The following CALN1 variants were observed in gnomAD, a reference collection of about 807,000 sequenced individuals.
The protein encoded by CALN1 is calneuron 1, also known as calcium-binding protein 8.
Under a neutral mutation model 30.6 loss-of-function variants are expected in CALN1, and 17 were observed. The ratio of observed to expected loss-of-function variants is 0.56; its 90% CI spans 0.38 to 0.83. The LOEUF is 0.83. Ranked by LOEUF, CALN1 falls within the 40% of genes least tolerant of loss-of-function variation. The probability of loss-of-function intolerance (pLI) is 0.00; values close to 1 mark genes in which losing one functional copy is unlikely to be tolerated. For synonymous variants in CALN1, 156 were observed against 131.4 expected (o/e 1.19, Z -1.28); for missense variants, 291 against 354.9 (o/e 0.82, Z 1.45).
rs576485295 is a variant in CALN1, at chr7:72,155,418, G to C, written c.245-49124C>G. Among the ~76,000 whole-genome samples, 324 of 151,836 alleles carry C rather than the reference G, an allele frequency of 2.1e-3. 1 individual carries two copies. Among genetic ancestry groups the C allele is most frequent in the African/African-American group, 7.7e-3 (318 of 41,408 alleles). On this transcript the variant is annotated intron_variant, in intron 3 of 6. Coordinates refer to ENST00000395275, the MANE Select transcript of CALN1 (RefSeq NM_031468.4). ...GAGGCAGGAGAATGGCTTGAACCTG[G>C]GAGGCGGAGCTTGCAATGAGCCGAG...
At chr7:72,331,659 CATTTT>C (rs1801687159) in intron 2 of CALN1, among the ~76,000 whole-genome samples, 3 of 152,218 alleles carry the variant, frequency 2.0e-5, no homozygotes, top group South Asian at 4.2e-4. Context: ...TTTACTTATT[CATTTT>C]ATTTTTTTTC....
intron 4 of CALN1, among the ~76,000 whole-genome samples, chr7:72,089,897 G>A (rs1295381590): frequency 1.3e-5 from 2 of 152,168 alleles, no homozygotes; most frequent in Non-Finnish European, 2.9e-5. Context: ...TAACTTCTAT[G>A]CACATACAAA....
chr7:71,939,291 C>T (rs1410843909), intron 5 of CALN1, among the ~76,000 whole-genome samples: 5 of 151,738 alleles, frequency 3.3e-5, no homozygotes, highest in Non-Finnish European at 7.4e-5. Flanking sequence ...GGCGTGGTGG[C>T]TCATGCCTGT....
At chr7:72,381,076 A>G (rs1022846469) in intron 2 of CALN1, among the ~76,000 whole-genome samples, 1 of 152,228 alleles carries the variant, frequency 6.6e-6, no homozygotes, top group Admixed American at 6.5e-5. Context: ...AAAATAAACC[A>G]AAGTTTTGAT....
chr7:72,367,735 T>C (rs1459658187), intron 2 of CALN1, among the ~76,000 whole-genome samples: 5 of 150,490 alleles, frequency 3.3e-5, no homozygotes, highest in Non-Finnish European at 6.0e-5. Context: ...TTCAGGAAGC[T>C]GAGGCAAGGG....
intron 3 of CALN1, among the ~76,000 whole-genome samples, chr7:72,125,905 C>T (rs1014340580): frequency 6.6e-6 from 1 of 150,534 alleles, no homozygotes; most frequent in Non-Finnish European, 1.5e-5. Context: ...CGGGTTCAAG[C>T]GATTCTCCTC....
chr7:71,904,905 G>C (rs769583574), intron 5 of CALN1, among the ~76,000 whole-genome samples: 19 of 151,890 alleles, frequency 1.3e-4, no homozygotes, highest in Non-Finnish European at 2.4e-4. Context: ...TTTTGGCTTA[G>C]AATTATATTT....
chr7:71,817,863 T>C (rs1270311461), intron 5 of CALN1, among the ~76,000 whole-genome samples: 1 of 151,726 alleles, frequency 6.6e-6, no homozygotes, highest in African/African-American at 2.4e-5. Context: ...TATAATCTTT[T>C]TCTATAAACT....
chr7:72,396,692 A>G (rs1027541078), intron 2 of CALN1, among the ~76,000 whole-genome samples: 1 of 152,012 alleles, frequency 6.6e-6, no homozygotes, highest in African/African-American at 2.4e-5. Context: ...GTGGGTAGGG[A>G]GTTGAAGATG....
At chr7:72,027,884 C>T (rs1184009341) in intron 4 of CALN1, among the ~76,000 whole-genome samples, 11 of 150,956 alleles carry the variant, frequency 7.3e-5, no homozygotes, top group Non-Finnish European at 1.5e-4. Context: ...AGTGAAACCC[C>T]GTCTCTACTA....
intron 5 of CALN1, among the ~76,000 whole-genome samples, chr7:71,950,367 A>T (rs1796628219): frequency 6.6e-6 from 1 of 152,220 alleles, no homozygotes; most frequent in Non-Finnish European, 1.5e-5. Context: ...GGTTGAGAAT[A>T]GGATCTAGGT....
At chr7:72,001,580 A>T (rs918508424) in intron 5 of CALN1, among the ~76,000 whole-genome samples, 12 of 152,198 alleles carry the variant, frequency 7.9e-5, no homozygotes, top group Non-Finnish European at 1.5e-4. Context: ...ACCCTAAGTC[A>T]AAGGTCAAAC....
intron 3 of CALN1, among the ~76,000 whole-genome samples, chr7:72,163,945 GAAGA>G (rs955562857): frequency 2.0e-5 from 3 of 151,754 alleles, no homozygotes; most frequent in African/African-American, 4.8e-5. Flanking sequence ...CAAAAAGAAA[GAAGA>G]AAGAAAGAAA....
chr7:72,257,474 T>C (rs1435293134), intron 3 of CALN1, among the ~76,000 whole-genome samples: 2 of 152,132 alleles, frequency 1.3e-5, no homozygotes, highest in African/African-American at 2.4e-5. Context: ...GATGTTGGCA[T>C]GGTTGTGGTG....
intron 3 of CALN1, among the ~76,000 whole-genome samples, chr7:72,219,286 C>T (rs557421987): frequency 6.6e-6 from 1 of 152,230 alleles, no homozygotes; most frequent in South Asian, 2.1e-4. Flanking sequence ...AGTGCAGTGG[C>T]ATGATCATAT....
the CALN1 span, among the ~76,000 whole-genome samples, chr7:72,466,121 A>G: frequency 9.2e-5 from 14 of 152,206 alleles, no homozygotes; most frequent in African/African-American, 3.4e-4. Context: ...TGAGCTGTTT[A>G]GGTGGAGGTC....
intron 4 of CALN1, among the ~76,000 whole-genome samples, chr7:72,081,433 G>GTGTGTGTGTGTGT (rs367954300): frequency 7.3e-6 from 1 of 136,884 alleles, no homozygotes; most frequent in Non-Finnish European, 1.6e-5. Context: ...GTTTGTTTTT[G>GTGTGTGTGTGTGT]GTGTGTGTGT....
At chr7:72,452,572 C>T in the CALN1 span, among the ~76,000 whole-genome samples, 2 of 152,176 alleles carry the variant, frequency 1.3e-5, no homozygotes, top group Admixed American at 6.5e-5. Flanking sequence ...TGACACCTCA[C>T]CGGAAGCAGA....
At chr7:72,064,743 G>C (rs768804790) in intron 4 of CALN1, among the ~76,000 whole-genome samples, 4 of 152,010 alleles carry the variant, frequency 2.6e-5, no homozygotes, top group South Asian at 2.1e-4. Context: ...CAACCAGTAA[G>C]TATAATACAT....
Sources: gnomAD v4.1 joint callset for allele counts (sites outside exome capture counted in the v4.1 genomes callset) on GRCh38, gnomAD v4.1.1 for gene constraint, MANE v1.5 for transcripts, NCBI Gene and HGNC (gene_info 2026-07-23, HGNC 2026-07-21) for gene names.